L3MBTL4: variants seen among roughly 807,000 people sequenced by gnomAD.
L3MBTL4 encodes L3MBTL histone methyl-lysine binding protein 4, also known as lethal(3)malignant brain tumor-like protein 4.
A neutral mutation model predicts 84.5 loss-of-function variants in L3MBTL4; 70 were observed. The ratio of observed to expected loss-of-function variants is 0.83; its 90% CI spans 0.68 to 1.01. The LOEUF (loss-of-function observed/expected upper bound fraction) is 1.01. Ranked by LOEUF, L3MBTL4 falls within the 50% of genes least tolerant of loss-of-function variation. The probability of loss-of-function intolerance (pLI) is 0.00; values close to 1 mark genes in which losing one functional copy is unlikely to be tolerated. For synonymous variants in L3MBTL4, 274 were observed against 259.8 expected (o/e 1.05, Z -0.52); for missense variants, 715 against 754.8 (o/e 0.95, Z 0.62).
chr18:6,029,657 A>G, intron 16 of L3MBTL4: 2 of 985,386 alleles, frequency 2.0e-6, no homozygotes, highest in Non-Finnish European at 2.4e-6. Flanking sequence ...AGGACAGGAA[A>G]TATTTGAGTA....
intron 3 of L3MBTL4, among the ~76,000 whole-genome samples, chr18:6,311,135 CCTCT>C (rs1292666087): frequency 6.6e-6 from 1 of 151,760 alleles, no homozygotes; most frequent in Non-Finnish European, 1.5e-5. Flanking sequence ...TCTCTCTCAC[CCTCT>C]CTCTCGCTTG....
chr18:6,170,613 C>T (rs746982116), intron 13 of L3MBTL4, among the ~76,000 whole-genome samples: 2 of 152,048 alleles, frequency 1.3e-5, no homozygotes, highest in Non-Finnish European at 2.9e-5. Context: ...AAGGAGCAGA[C>T]AATGCTTGGA....
chr18:6,296,583 T>G (rs780017927), intron 4 of L3MBTL4, among the ~76,000 whole-genome samples: 5 of 152,202 alleles, frequency 3.3e-5, no homozygotes, highest in Non-Finnish European at 7.3e-5. Context: ...GAGAAAGCAC[T>G]TCTTCAGACA....
At chr18:6,404,688 AT>A (rs141033230) in intron 1 of L3MBTL4, among the ~76,000 whole-genome samples, 22,591 of 151,898 alleles carry the variant, frequency 0.15, 1,693 homozygotes, top group East Asian at 0.16. Context: ...CTTTTTCTTC[AT>A]TTTTGTTTTT....
intron 1 of L3MBTL4, among the ~76,000 whole-genome samples, chr18:6,335,953 T>G (rs560166396): frequency 1.3e-5 from 2 of 152,204 alleles, no homozygotes; most frequent in Non-Finnish European, 2.9e-5. Flanking sequence ...ACAAGCTGTA[T>G]GTAGTCACTC....
At position 6,045,906 on chromosome 18, in the gene L3MBTL4, T is replaced by C. The variant is rs74649788; in HGVS notation, c.1444+34975A>G. Among the ~76,000 whole-genome samples the C allele has an allele frequency of 2.0e-5, 3 of 151,912 alleles. No individual in the cohort carries two copies. The South Asian group carries it at 6.2e-4, about 32-fold the overall frequency. ...TATCAACATTAACCCTGAATGCAAA[T>C]AGTCTAAAACTCTCCACTTAGAAGG... is the stretch of plus-strand genomic sequence containing the variant. On this transcript the variant is annotated intron_variant, in intron 16 of 18. Transcript: ENST00000317931.
At chr18:6,088,325 C>T (rs1158410250) in intron 15 of L3MBTL4, among the ~76,000 whole-genome samples, 1 of 152,150 alleles carries the variant, frequency 6.6e-6, no homozygotes, top group African/African-American at 2.4e-5. Flanking sequence ...ATCTATTTAA[C>T]TTGTTGAGTG....
At chr18:6,371,687 C>T (rs948585726) in intron 1 of L3MBTL4, among the ~76,000 whole-genome samples, 1 of 152,210 alleles carries the variant, frequency 6.6e-6, no homozygotes, top group African/African-American at 2.4e-5. Context: ...GCTTAGAGAA[C>T]TTTCCTAATT....
At chr18:6,093,943 T>C (rs813292) in intron 14 of L3MBTL4, among the ~76,000 whole-genome samples, 1 of 152,214 alleles carries the variant, frequency 6.6e-6, no homozygotes, top group Non-Finnish European at 1.5e-5. Flanking sequence ...TCAGAGAATA[T>C]TGCGTTTTCA....
chr18:6,041,868 G>C (rs1568023018), intron 16 of L3MBTL4, among the ~76,000 whole-genome samples: 1 of 151,988 alleles, frequency 6.6e-6, no homozygotes, highest in Non-Finnish European at 1.5e-5. Context: ...GGGACTATAG[G>C]TGTGTGCCAC....
intron 1 of L3MBTL4, among the ~76,000 whole-genome samples, chr18:6,401,509 G>A (rs540817010): frequency 7.2e-5 from 11 of 152,202 alleles, no homozygotes; most frequent in African/African-American, 2.2e-4. Context: ...AAAATGCACC[G>A]GGCAAGAAGA....
At chr18:6,141,509 TC>T (rs1371736764) in intron 13 of L3MBTL4, among the ~76,000 whole-genome samples, 1 of 152,112 alleles carries the variant, frequency 6.6e-6, no homozygotes, top group Non-Finnish European at 1.5e-5. Context: ...TATCGTCTTG[TC>T]CCCCTAGCCT....
At chr18:6,197,135 G>C (rs6506367) in intron 12 of L3MBTL4, among the ~76,000 whole-genome samples, 13,186 of 152,160 alleles carry the variant, frequency 0.087, 1,875 homozygotes, top group African/African-American at 0.3. Flanking sequence ...TTCTGGGGTA[G>C]ATGTGCAGGA....
upstream of L3MBTL4, chr18:6,414,953 G>A (rs1291420123): frequency 1.3e-5 from 2 of 150,134 alleles, no homozygotes; most frequent in Admixed American, 1.3e-4. The surrounding 1 kb of genome is among the most constrained non-coding windows in gnomAD (Gnocchi z 5.4). Context: ...GTGGGGGCGC[G>A]GGAGCCGCCC....
At chr18:6,309,090 T>C (rs1034260274) in intron 3 of L3MBTL4, among the ~76,000 whole-genome samples, 1 of 152,216 alleles carries the variant, frequency 6.6e-6, no homozygotes, top group Non-Finnish European at 1.5e-5. Flanking sequence ...ACTGTGCATT[T>C]GCTTGATGTT....
intron 14 of L3MBTL4, among the ~76,000 whole-genome samples, chr18:6,124,608 C>T (rs183084176): frequency 4.2e-4 from 64 of 152,136 alleles, no homozygotes; most frequent in Admixed American, 1.7e-3. Context: ...GGCTTAAACA[C>T]CTGTCTCCCA....
At chr18:6,383,548 C>T (rs1164146443) in intron 1 of L3MBTL4, among the ~76,000 whole-genome samples, 1 of 152,114 alleles carries the variant, frequency 6.6e-6, no homozygotes, top group Admixed American at 6.5e-5. Flanking sequence ...TCATGGCTTC[C>T]CTTGGGTAGA....
At chr18:6,225,449 A>C (rs1379020938) in intron 10 of L3MBTL4, among the ~76,000 whole-genome samples, 2 of 152,198 alleles carry the variant, frequency 1.3e-5, no homozygotes, top group Non-Finnish European at 2.9e-5. Flanking sequence ...TTAAGGCAGC[A>C]CAAGGAAAAT....
At chr18:6,033,819 CT>C (rs1456097800) in intron 16 of L3MBTL4, among the ~76,000 whole-genome samples, 1 of 152,188 alleles carries the variant, frequency 6.6e-6, no homozygotes, top group Non-Finnish European at 1.5e-5. Context: ...TGCTCTCACC[CT>C]TTTTGGTTGT....
Sources: gnomAD v4.1 joint callset for allele counts (sites outside exome capture counted in the v4.1 genomes callset) on GRCh38, gnomAD v4.1.1 for gene constraint, Gnocchi (gnomAD v3.1) non-coding constraint, MANE v1.5 for transcripts, NCBI Gene and HGNC (gene_info 2026-07-23, HGNC 2026-07-21) for gene names.